Variants in WDFY4 observed in about 807,000 individuals in gnomAD.
The protein encoded by WDFY4 is WDFY family member 4.
WDFY4 carries 169 observed loss-of-function variants against 351.9 expected under a neutral mutation model. The ratio of observed to expected loss-of-function variants is 0.48; its 90% CI spans 0.42 to 0.55. WDFY4 has a LOEUF of 0.55. WDFY4 is among the 20% of genes least tolerant of loss of function. The pLI, the probability that WDFY4 is intolerant of heterozygous loss-of-function variation, is 0.00. For synonymous variants in WDFY4, 1,622 were observed against 1,574.6 expected, an observed-to-expected ratio of 1.03 and a Z score of -0.71; for missense variants, 3,803 against 3,935.6, an observed-to-expected ratio of 0.97 and a Z score of 0.90.
intron 31 of WDFY4, among the ~76,000 whole-genome samples, chr10:48,814,339 A>G (rs1489112308): frequency 6.6e-6 from 1 of 152,146 alleles, no homozygotes; most frequent in Non-Finnish European, 1.5e-5. Context: ...TCTTCACTGG[A>G]AGATTTATTG....
intron 1 of WDFY4, among the ~76,000 whole-genome samples, chr10:48,688,007 T>A (rs2063099718): frequency 1.3e-5 from 2 of 152,140 alleles, no homozygotes; most frequent in African/African-American, 2.4e-5. Flanking sequence ...GGTCTTGAAC[T>A]CCTGACCTCA....
intron 41 of WDFY4, 102 bp downstream of exon 41, chr10:48,873,799 A>G: frequency 7.7e-7 from 1 of 1,304,794 alleles, no homozygotes; most frequent in East Asian, 2.5e-5. Flanking sequence ...TCAGGCTAAG[A>G]TAACACATGC....
In WDFY4 at chr10:48,890,617, C is replaced by T. The variant is rs146021054; in HGVS notation, c.7206C>T (p.His2402=). 1.9e-6 allele frequency: 3 copies of T among 1,551,758 alleles called. No individual in the cohort carries two copies. Among genetic ancestry groups the T allele is most frequent in the Non-Finnish European group, 2.6e-6 (3 of 1,147,002 alleles). Residue 2402 remains histidine, a synonymous_variant, in exon 44 of 62, where the codon CAC becomes CAT. Coordinates refer to ENST00000325239, the MANE Select transcript of WDFY4 (RefSeq NM_001394531.1). Reference sequence around the variant, plus strand: ...TCTCCCTGGTGATTGTGCAGGGCCACCTGGTGTCAGAAGGGGTCCTGCTTT... The same window carrying T: ...TCTCCCTGGTGATTGTGCAGGGCCATCTGGTGTCAGAAGGGGTCCTGCTTT... ...QKFSLVIVQG[H]LVSEGVLLFG...
At position 48,820,176 on chromosome 10, in the gene WDFY4, G is replaced by A. The variant is rs1589686410; in HGVS notation, c.5506-58G>A. The A allele has an allele frequency of 1.2e-5, 18 of 1,532,688 alleles. No homozygotes were observed. The East Asian group carries it at 3.9e-4, about 33-fold the overall frequency. The allele number at this position is 1,532,688 out of a possible 1,614,324, so 94.9% of individuals were successfully genotyped here. On this transcript the variant is annotated intron_variant, in intron 32 of 61. Coordinates refer to ENST00000325239, the MANE Select transcript of WDFY4 (RefSeq NM_001394531.1). The stretch of plus-strand genomic sequence containing the variant: ...CCGCCCATGTACATGGCACAGGTTG[G>A]TGGGAAAGAGCTTGAGGCAGGGCAG...
intron 11 of WDFY4, among the ~76,000 whole-genome samples, chr10:48,737,693 G>A (rs1369675562): frequency 4.6e-5 from 7 of 151,898 alleles, no homozygotes; most frequent in African/African-American, 1.5e-4. Flanking sequence ...TGATTTGTAC[G>A]AAACAAAAAA....
chr10:48,957,594 C>A (rs1055928440), intron 52 of WDFY4, among the ~76,000 whole-genome samples: 1 of 152,244 alleles, frequency 6.6e-6, no homozygotes, highest in African/African-American at 2.4e-5. Context: ...CCAGGCCTGG[C>A]ACTGCCTTTC....
At chr10:48,891,193 G>A (rs1345217291) in intron 44 of WDFY4, among the ~76,000 whole-genome samples, 1 of 152,230 alleles carries the variant, frequency 6.6e-6, no homozygotes, top group African/African-American at 2.4e-5. Flanking sequence ...TTCAGGCTTG[G>A]AGGGATGGCC....
chr10:48,702,999 G>T (rs2063522491), intron 1 of WDFY4, among the ~76,000 whole-genome samples: 1 of 152,168 alleles, frequency 6.6e-6, no homozygotes, highest in Non-Finnish European at 1.5e-5. Flanking sequence ...ATTTCTGACA[G>T]TGTCAGCTGT....
chr10:48,915,299 C>T (rs573329928), intron 47 of WDFY4, among the ~76,000 whole-genome samples: 35 of 152,274 alleles, frequency 2.3e-4, no homozygotes, highest in East Asian at 7.7e-4. Flanking sequence ...CCTATCATAG[C>T]GAGACTGAGG....
Position 48,826,902 on chromosome 10 carries a change from G to A in WDFY4, c.6214G>A (p.Glu2072Lys). 6.4e-7 allele frequency: 1 copy of A among 1,551,556 alleles called. No individual in the cohort carries two copies. The highest frequency in any genetic ancestry group is 8.7e-7 in the Non-Finnish European group (1 of 1,146,874). ...CLMHCLLLLN[E>K]RSYPEGFGLE... ...CATGCATTGCCTTTTGCTACTCAATGAGAGAAGGTAAGAGCTGCCCACTTG... is the reference window on the plus strand; with the variant it reads ...CATGCATTGCCTTTTGCTACTCAATAAGAGAAGGTAAGAGCTGCCCACTTG... Residue 2072 changes from glutamate to lysine, a missense_variant, in exon 36 of 62, where the codon GAG becomes AAG. Coordinates refer to ENST00000325239, the MANE Select transcript of WDFY4 (RefSeq NM_001394531.1).
intron 43 of WDFY4, among the ~76,000 whole-genome samples, chr10:48,879,803 T>C (rs991703145): frequency 6.6e-6 from 1 of 152,156 alleles, no homozygotes; most frequent in Non-Finnish European, 1.5e-5. Flanking sequence ...TCCCTTACCC[T>C]GTGGCCCTTC....
intron 47 of WDFY4, among the ~76,000 whole-genome samples, chr10:48,925,402 C>A (rs904401400): frequency 2.0e-5 from 3 of 152,186 alleles, no homozygotes; most frequent in Admixed American, 1.3e-4. Context: ...GGGCAGGCCG[C>A]TGAAATCAGC....
At chr10:48,893,943 CA>C (rs1307983235) in intron 44 of WDFY4, among the ~76,000 whole-genome samples, 2 of 152,192 alleles carry the variant, frequency 1.3e-5, no homozygotes, top group African/African-American at 4.8e-5. Context: ...TGGCTCTACC[CA>C]AAGAATATGG....
chr10:48,729,603 G>C lies in WDFY4; in HGVS notation c.1129+14G>C. Reference sequence around the variant, plus strand: ...ATGAGGCATCTGGTGAGTCTTTCCTGTGTCTGGGTGACCGGAAGAGTCAGT... The same window carrying C: ...ATGAGGCATCTGGTGAGTCTTTCCTCTGTCTGGGTGACCGGAAGAGTCAGT... On this transcript the variant is annotated intron_variant, in intron 8 of 61. Transcript: ENST00000325239. The C allele has an allele frequency of 6.4e-7, 1 of 1,551,366 alleles. No individual in the cohort carries two copies. Among genetic ancestry groups the C allele is most frequent in the Non-Finnish European group, 8.7e-7 (1 of 1,146,766 alleles).
chr10:48,714,452 G>A (rs887427661), intron 2 of WDFY4, among the ~76,000 whole-genome samples: 2 of 152,226 alleles, frequency 1.3e-5, no homozygotes, highest in South Asian at 2.1e-4. Flanking sequence ...CTTCTGTGGT[G>A]TGCAGAGTAG....
rs974567202 is a variant in WDFY4, at chr10:48,918,289, A to G, written c.7586+16426A>G. On this transcript the variant is annotated intron_variant, in intron 47 of 61. Coordinates refer to ENST00000325239, the MANE Select transcript of WDFY4 (RefSeq NM_001394531.1). ...GCTCCAATTAAAAGACACAATTATC[A>G]GGATAGATTACAAAAGAAAAAGACC... 1.3e-4 allele frequency among the ~76,000 whole-genome samples: 20 copies of G among 152,332 alleles called. 1 individual carries two copies. Among genetic ancestry groups the G allele is most frequent in the African/African-American group, 4.6e-4 (19 of 41,582 alleles).
At chr10:48,914,122 TCTTGCC>T in intron 47 of WDFY4, 1 of 1,614,168 alleles carries the variant, frequency 6.2e-7, no homozygotes, top group Non-Finnish European at 8.5e-7. Context: ...AGGGTGATCT[TCTTGCC>T]CTTGGGGCCT....
chr10:48,796,283 T>C lies in WDFY4; in HGVS notation c.4258-15T>C, dbSNP rs2066872805. On this transcript the variant is annotated splice_polypyrimidine_tract_variant and intron_variant, in intron 23 of 61. Transcript: ENST00000325239. ...ATGCATTCATGAGGAAACTGCTTTG[T>C]GTTAACCTTTTCAGATAATGGCGTT... 2 of 1,550,538 alleles carry C rather than the reference T, an allele frequency of 1.3e-6. No homozygotes were observed. The highest frequency in any genetic ancestry group is 2.0e-5 in the Admixed American group (1 of 50,820).
In WDFY4 at chr10:48,919,640, C is replaced by T. The variant is rs560845080; in HGVS notation, c.7586+17777C>T. ...GTTCATAGATGTTTTCTTGCCGTGT[C>T]CTCACATGGTAGAAAGAGAGCAAAA... On this transcript the variant is annotated intron_variant, in intron 47 of 61. Transcript: ENST00000325239. Among the ~76,000 whole-genome samples the T allele has an allele frequency of 1.1e-4, 16 of 152,262 alleles. No homozygotes were observed. In the South Asian group the frequency reaches 1.7e-3, roughly 16 times the overall value.
Sources: gnomAD v4.1 joint callset for allele counts (sites outside exome capture counted in the v4.1 genomes callset) on GRCh38, gnomAD v4.1.1 for gene constraint, MANE v1.5 for transcripts, NCBI Gene and HGNC (gene_info 2026-07-23, HGNC 2026-07-21) for gene names.